The following SYNPO2 variants were observed in gnomAD, a reference collection of about 807,000 sequenced individuals.
SYNPO2 encodes synaptopodin 2, also known as synaptopodin-2.
SYNPO2 carries 56 observed loss-of-function variants against 85.0 expected under a neutral mutation model. The observed-to-expected ratio is 0.66, with a 90% CI of 0.53 to 0.82. The LOEUF (loss-of-function observed/expected upper bound fraction) is 0.82, where lower values mean the gene tolerates loss of function less well. SYNPO2 is among the 40% of genes least tolerant of loss of function. SYNPO2 has a pLI of 0.00. For synonymous variants in SYNPO2, 602 were observed against 591.1 expected (o/e 1.02, Z -0.27); for missense variants, 1,575 against 1,534.2 (o/e 1.03, Z -0.44).
chr4:118,954,719 TTCTC>T (rs913584999), intron 1 of SYNPO2, among the ~76,000 whole-genome samples: 14 of 152,308 alleles, frequency 9.2e-5, no homozygotes, highest in East Asian at 3.9e-4. Context: ...GGTTTTATCT[TTCTC>T]TCTCTCTTTC....
At chr4:119,038,557 A>C (rs1291522325) in intron 4 of SYNPO2, 1 of 985,452 alleles carries the variant, frequency 1.0e-6, no homozygotes, top group Non-Finnish European at 1.2e-6. Flanking sequence ...TTTTAACTAA[A>C]TGTAACTCAG....
chr4:118,878,920 C>G (rs1349045245), intron 1 of SYNPO2, among the ~76,000 whole-genome samples: 1 of 152,222 alleles, frequency 6.6e-6, no homozygotes, highest in Non-Finnish European at 1.5e-5. Context: ...GTAAATCCTA[C>G]TGCTGTTCAG....
chr4:118,896,578 A>G lies in SYNPO2; in HGVS notation c.105+7437A>G, dbSNP rs57154176. ...GATATTTCATTATTTGACAACCTCAATGAGAACATGTTTATGGTTTTGGAT... is the reference window on the plus strand; with the variant it reads ...GATATTTCATTATTTGACAACCTCAGTGAGAACATGTTTATGGTTTTGGAT... On this transcript the variant is annotated intron_variant, in intron 1 of 4. Coordinates refer to ENST00000307142, the MANE Select transcript of SYNPO2 (RefSeq NM_133477.3). Among the ~76,000 whole-genome samples, 332 of 152,332 alleles carry G rather than the reference A, an allele frequency of 2.2e-3. 9 individuals carry two copies. In the East Asian group the frequency reaches 0.05, roughly 23 times the overall value.
At chr4:119,000,756 A>G (rs1220868564) in intron 1 of SYNPO2, among the ~76,000 whole-genome samples, 1 of 152,212 alleles carries the variant, frequency 6.6e-6, no homozygotes, top group Non-Finnish European at 1.5e-5. Context: ...GCAAAGATTA[A>G]CAAGTTGAAA....
At chr4:118,887,812 T>C (rs1732234323), upstream of SYNPO2, among the ~76,000 whole-genome samples, 1 of 152,208 alleles carries the variant, frequency 6.6e-6, no homozygotes, top group African/African-American at 2.4e-5. Flanking sequence ...TATATAGTGC[T>C]TCTTAGTGCT....
chr4:118,945,894 C>T (rs1044601554), intron 1 of SYNPO2, among the ~76,000 whole-genome samples: 4 of 151,982 alleles, frequency 2.6e-5, no homozygotes, highest in Non-Finnish European at 1.5e-5. Context: ...TGCAGGCGCG[C>T]ACCACCACAC....
At chr4:119,017,623 AG>A (rs1174416628) in intron 1 of SYNPO2, among the ~76,000 whole-genome samples, 11 of 152,248 alleles carry the variant, frequency 7.2e-5, no homozygotes, top group African/African-American at 2.6e-4. Context: ...AGTTATTGCC[AG>A]GTCCCTGAGA....
At chr4:119,051,713 TA>T (rs1389256761) in intron 4 of SYNPO2, among the ~76,000 whole-genome samples, 1 of 151,846 alleles carries the variant, frequency 6.6e-6, no homozygotes, top group African/African-American at 2.4e-5. Context: ...AAAAGAAAAA[TA>T]GGAGAGAGGG....
At chr4:118,941,761 T>G (rs1734319311) in intron 1 of SYNPO2, among the ~76,000 whole-genome samples, 1 of 152,176 alleles carries the variant, frequency 6.6e-6, no homozygotes, top group Admixed American at 6.5e-5. Context: ...GACTTACATT[T>G]CCCGAAAGGA....
chr4:118,936,577 G>A (rs1030264646), intron 1 of SYNPO2, among the ~76,000 whole-genome samples: 8 of 152,154 alleles, frequency 5.3e-5, no homozygotes, highest in Non-Finnish European at 8.8e-5. Flanking sequence ...CTCCAGCAGC[G>A]TGATAACCAC....
At chr4:118,967,685 GT>G (rs1331857058) in intron 1 of SYNPO2, among the ~76,000 whole-genome samples, 1 of 152,128 alleles carries the variant, frequency 6.6e-6, no homozygotes, top group Non-Finnish European at 1.5e-5. Context: ...AAGGTTCCAT[GT>G]TTTCCCCTAT....
At chr4:119,026,522 A>G in intron 2 of SYNPO2, 105 bp from the exon 3 acceptor site, 1 of 1,239,116 alleles carries the variant, frequency 8.1e-7, no homozygotes, top group Non-Finnish European at 1.1e-6. Context: ...AGAAGAAAAT[A>G]TTTTGACTAT....
At chr4:118,945,704 T>C (rs1734474424) in intron 1 of SYNPO2, among the ~76,000 whole-genome samples, 1 of 152,226 alleles carries the variant, frequency 6.6e-6, no homozygotes, top group African/African-American at 2.4e-5. Context: ...GTTTTTCTTA[T>C]AGCTGTCTTG....
At chr4:118,981,607 T>C (rs1019408995) in intron 1 of SYNPO2, among the ~76,000 whole-genome samples, 1 of 152,176 alleles carries the variant, frequency 6.6e-6, no homozygotes, top group African/African-American at 2.4e-5. Flanking sequence ...TCATAAGTTC[T>C]GATTAGGGGG....
Position 118,854,165 on chromosome 4 carries a change from C to CA in SYNPO2, c.12+3231dup, listed in dbSNP as rs199619506. Among the ~76,000 whole-genome samples, 1,496 of 152,184 alleles carry CA rather than the reference C, an allele frequency of 9.8e-3. 24 individuals are homozygous for CA. Among genetic ancestry groups the CA allele is most frequent in the African/African-American group, 0.034 (1,397 of 41,526 alleles). On this transcript the variant is annotated intron_variant, in intron 1 of 4. Transcript: ENST00000610556. ...CAATGGAACATAACTGCTAATTACACAAAAAACAAAGAATCTGCTTCAGAA... is the reference window on the plus strand; with the variant it reads ...CAATGGAACATAACTGCTAATTACACAAAAAAACAAAGAATCTGCTTCAGAA...
intron 1 of SYNPO2, among the ~76,000 whole-genome samples, chr4:118,944,509 A>G (rs1252373206): frequency 6.6e-6 from 1 of 152,234 alleles, no homozygotes; most frequent in Non-Finnish European, 1.5e-5. Context: ...AAATAGCAAC[A>G]AATATCAGCC....
intron 1 of SYNPO2, among the ~76,000 whole-genome samples, chr4:118,883,658 C>G (rs1732150452): frequency 6.6e-6 from 1 of 151,842 alleles, no homozygotes. Context: ...TCCCAGAAGA[C>G]CATTGTCAAC....
At chr4:119,052,500 C>T (rs1739085907) in intron 4 of SYNPO2, among the ~76,000 whole-genome samples, 1 of 152,210 alleles carries the variant, frequency 6.6e-6, no homozygotes, top group African/African-American at 2.4e-5. Flanking sequence ...GAGGCCAGAA[C>T]ATGATGTTGC....
intron 1 of SYNPO2, among the ~76,000 whole-genome samples, chr4:118,878,961 T>C (rs1731994527): frequency 6.6e-6 from 1 of 152,174 alleles, no homozygotes; most frequent in African/African-American, 2.4e-5. Context: ...CTAAGAGCTG[T>C]AACACTCACT....
Sources: gnomAD v4.1 joint callset for allele counts (sites outside exome capture counted in the v4.1 genomes callset) on GRCh38, gnomAD v4.1.1 for gene constraint, MANE v1.5 for transcripts, NCBI Gene and HGNC (gene_info 2026-07-23, HGNC 2026-07-21) for gene names.